The following HERC2 variants were observed in gnomAD, a reference collection of about 807,000 sequenced individuals.
HERC2 encodes HECT and RLD domain containing E3 ubiquitin protein ligase 2.
HERC2 carries 102 observed loss-of-function variants against 537.7 expected under a neutral mutation model. That is an observed-to-expected ratio of 0.19 (90% CI 0.16 to 0.22). The LOEUF is 0.22. HERC2 is among the 10% of genes least tolerant of loss of function. The probability of loss-of-function intolerance (pLI) is 1.00; values close to 1 mark genes in which losing one functional copy is unlikely to be tolerated. For synonymous variants in HERC2, 2,224 were observed against 2,466.2 expected (o/e 0.90, Z 2.91); for missense variants, 4,236 against 6,198.2 (o/e 0.68, Z 10.63).
Position 28,132,660 on chromosome 15 carries a change from G to A in HERC2, c.12401C>T (p.Pro4134Leu), listed in dbSNP as rs1211814927. Residue 4134 changes from proline (P) to leucine (L), a missense_variant, in exon 80 of 93, where the codon CCG becomes CTG. Transcript: ENST00000261609. ...CACACGGCGCCTCCTCACCAGCTTC[G>A]GCTTCAGCTGGTCCTCACTGTCGCT... ...GHSDSEDQLK[P>L]KLVEALQGHR... 1.3e-6 allele frequency: 2 copies of A among 1,527,866 alleles called. No homozygotes were observed. Among genetic ancestry groups the A allele is most frequent in the Non-Finnish European group, 1.8e-6 (2 of 1,134,770 alleles). The allele number at this position is 1,527,866 out of a possible 1,614,324, so 94.6% of individuals were successfully genotyped here.
chr15:28,240,698 A>G (rs1903013636), intron 23 of HERC2, among the ~76,000 whole-genome samples: 2 of 152,214 alleles, frequency 1.3e-5, no homozygotes, highest in South Asian at 4.1e-4. Flanking sequence ...ACAGACAAAC[A>G]TACAGAAAAA....
In HERC2 at chr15:28,179,995, C is replaced by T. The variant is rs771858879; in HGVS notation, c.8938-772G>A. ...AAGAAAAATATTTTGCATAGAGTCA[C>T]CTAAGCATATAGTGTTTCTAAAGTC... On this transcript the variant is annotated intron_variant, in intron 57 of 92. Transcript: ENST00000261609. 7.9e-5 allele frequency among the ~76,000 whole-genome samples: 12 copies of T among 152,198 alleles called. No homozygotes were observed. In the East Asian group the frequency reaches 1.9e-3, roughly 25 times the overall value.
In HERC2 at chr15:28,117,050, G is replaced by A. The variant is rs748097233; in HGVS notation, c.13377C>T (p.Leu4459=). Residue 4459 remains leucine (L), a synonymous_variant, in exon 87 of 93, where the codon CTC becomes CTT. Transcript: ENST00000261609. ...AKMSSFGPDS[L]LLPHRVWKVK... is the part of the protein sequence containing the mutation. Reference sequence around the variant, plus strand: ...CTTTCCAGACACGGTGAGGAAGGAGGAGGCTGTCGGGACCAAACGAGCTCA... The same window carrying A: ...CTTTCCAGACACGGTGAGGAAGGAGAAGGCTGTCGGGACCAAACGAGCTCA... 1.1e-5 allele frequency: 17 copies of A among 1,614,082 alleles called. No individual in the cohort carries two copies. Among genetic ancestry groups the A allele is most frequent in the Non-Finnish European group, 1.1e-5 (13 of 1,180,048 alleles).
chr15:28,228,398 C>A lies in HERC2; in HGVS notation c.5284G>T (p.Val1762Phe). Residue 1762 changes from valine to phenylalanine, a missense_variant, in exon 35 of 93, where the codon GTT (valine) becomes TTT (phenylalanine). Around this residue, in one of 27 missense-constraint regions of HERC2, gnomAD observed 343 missense variants for 417.2 expected, o/e 0.82. Transcript: ENST00000261609. ...AKFKELGIQPVPLQTITNENP... is the reference protein window; with the variant it reads ...AKFKELGIQPFPLQTITNENP... ...TCATTGGTGATGGTTTGCAGGGGAACCGGCTGGATACCTAATGAGCATTGG... is the reference window on the plus strand; with the variant it reads ...TCATTGGTGATGGTTTGCAGGGGAAACGGCTGGATACCTAATGAGCATTGG... 1.2e-6 allele frequency: 2 copies of A among 1,611,988 alleles called. No individual in the cohort carries two copies. The highest frequency in any genetic ancestry group is 1.1e-5 in the South Asian group (1 of 90,992).
intron 64 of HERC2, among the ~76,000 whole-genome samples, 161 bp downstream of exon 64, chr15:28,175,351 G>C (rs1175674063): frequency 6.6e-6 from 1 of 152,058 alleles, no homozygotes; most frequent in Non-Finnish European, 1.5e-5. Flanking sequence ...AGATACACCA[G>C]TGGGCAAAAG....
At chr15:28,182,534 A>G in intron 56 of HERC2, 22 bp from the exon 57 acceptor site, 1 of 1,536,166 alleles carries the variant, frequency 6.5e-7, no homozygotes, top group East Asian at 2.2e-5. Flanking sequence ...GAAAAAAAAA[A>G]GAAAAAGAAA....
At chr15:28,117,848 C>A (rs541541485) in intron 86 of HERC2, 4 of 327,812 alleles carry the variant, frequency 1.2e-5, no homozygotes, top group Non-Finnish European at 2.4e-5. Context: ...AGGGCCCCGC[C>A]GCAGCAGGAC....
intron 23 of HERC2, among the ~76,000 whole-genome samples, chr15:28,240,201 A>G (rs542862489): frequency 1.4e-3 from 210 of 152,162 alleles, no homozygotes; most frequent in Middle Eastern, 3.4e-3. Flanking sequence ...GGCAGATCAC[A>G]AGGTCAGGAG....
intron 36 of HERC2, among the ~76,000 whole-genome samples, chr15:28,221,354 G>T (rs935103898): frequency 6.8e-6 from 1 of 146,166 alleles, no homozygotes; most frequent in African/African-American, 2.5e-5. Context: ...GGCCCCAGGG[G>T]GAAGCTCTGT....
rs373882716 is a variant in HERC2 at position 28,233,843 on chromosome 15, C to T, written c.4219-47G>A. ...GTAACTTCAGAGCCACCCAGTGAGT[C>T]TTCACAAATCTTAAACATGCCACAG... On this transcript the variant is annotated intron_variant, in intron 27 of 92. Transcript: ENST00000261609. The T allele has an allele frequency of 2.6e-4, 418 of 1,600,670 alleles. 1 individual carries two copies. Among genetic ancestry groups the T allele is most frequent in the Non-Finnish European group, 3.3e-4 (391 of 1,170,612 alleles).
chr15:28,224,166 C>CACACACACACACACACAG (rs748053596), intron 35 of HERC2, among the ~76,000 whole-genome samples: 1 of 147,656 alleles, frequency 6.8e-6, no homozygotes, highest in African/African-American at 2.6e-5. Flanking sequence ...CACACACACA[C>CACACACACACACACACAG]AGAGAGAGAG....
chr15:28,184,785 C>T lies in HERC2; in HGVS notation c.8825+1792G>A, dbSNP rs552533042. 7.9e-5 allele frequency among the ~76,000 whole-genome samples: 12 copies of T among 151,546 alleles called. No homozygotes were observed. In the South Asian group the frequency reaches 2.5e-3, roughly 32 times the overall value. ...GCTGAGGCAGGAGAATGGCGTGAAC[C>T]CAGGAAGCGGAGCTTGCAGTGAGCC... On this transcript the variant is annotated intron_variant, in intron 56 of 92. Transcript: ENST00000261609.
At chr15:28,203,507 C>T (rs1206843901) in intron 45 of HERC2, 1 of 152,056 alleles carries the variant, frequency 6.6e-6, no homozygotes, top group African/African-American at 2.4e-5. Context: ...ACTGGACTAA[C>T]CTTTGGCTGA....
intron 30 of HERC2, among the ~76,000 whole-genome samples, chr15:28,231,838 C>CAA (rs61645210): frequency 2.4e-5 from 3 of 126,454 alleles, no homozygotes; most frequent in Non-Finnish European, 5.4e-5. Flanking sequence ...ACTTAATTTC[C>CAA]AAAAAAAAAA....
In HERC2 at chr15:28,124,037, C is replaced by T. The variant is rs754463224; in HGVS notation, c.13188G>A (p.Lys4396=). The T allele has an allele frequency of 1.3e-6, 2 of 1,578,286 alleles. No individual in the cohort carries two copies. The highest frequency in any genetic ancestry group is 2.7e-5 in the African/African-American group (2 of 73,658). The change falls in exon 85 of 93, where the codon AAG becomes AAA. Residue 4396 remains lysine, a splice_region_variant and synonymous_variant. Coordinates refer to ENST00000261609, the MANE Select transcript of HERC2 (RefSeq NM_004667.6). ...TLRGILISQG[K]EAAFRKVVQA... ...AGAGCAAAGATTGCCACTTGAATAC[C>T]TTTCCCTGGGATATCAGAATTCCTC... is the stretch of plus-strand genomic sequence containing the variant.
chr15:28,293,396 G>C (rs1176095574), intron 3 of HERC2, among the ~76,000 whole-genome samples: 1 of 151,144 alleles, frequency 6.6e-6, no homozygotes, highest in Non-Finnish European at 1.5e-5. Flanking sequence ...AGGAGGCTGA[G>C]GCAGGAGAAT....
chr15:28,223,336 G>A (rs1161035669), intron 35 of HERC2, among the ~76,000 whole-genome samples: 3 of 152,114 alleles, frequency 2.0e-5, no homozygotes, highest in African/African-American at 7.2e-5. Flanking sequence ...CCAGGTGGGC[G>A]GGAAAAAGAC....
At chr15:28,291,200 T>C (rs2076301347) in intron 4 of HERC2, among the ~76,000 whole-genome samples, 1 of 152,180 alleles carries the variant, frequency 6.6e-6, no homozygotes, top group South Asian at 2.1e-4. Context: ...TATAATAACC[T>C]ACGAGGTAGG....
chr15:28,143,901 C>G lies in HERC2; in HGVS notation c.11390G>C (p.Gly3797Ala). Reference protein sequence around the residue: ...GQSININRLLGENDGETRALS... With the variant: ...GQSININRLLAENDGETRALS... The stretch of plus-strand genomic sequence containing the variant: ...AGCTCTTGTTTCCCCATCATTTTCT[C>G]CAAGCAGCCTATTTATGTTAATTGA... The change falls in exon 74 of 93, where the codon GGA (glycine) becomes GCA (alanine). Residue 3797 changes from glycine to alanine, a missense_variant. Around this residue, in one of 27 missense-constraint regions of HERC2, gnomAD observed 109 missense variants for 133.5 expected, o/e 0.82. Coordinates refer to ENST00000261609, the MANE Select transcript of HERC2 (RefSeq NM_004667.6). 1 of 1,614,108 alleles carries G rather than the reference C, an allele frequency of 6.2e-7. No individual in the cohort carries two copies. Among genetic ancestry groups the G allele is most frequent in the Non-Finnish European group, 8.5e-7 (1 of 1,180,020 alleles).
Sources: allele counts gnomAD v4.1 joint callset (sites outside exome capture counted in the v4.1 genomes callset), GRCh38; gene constraint gnomAD v4.1.1; regional missense constraint gnomAD v4.1.1; transcripts MANE v1.5; gene names NCBI Gene and HGNC (gene_info 2026-07-23, HGNC 2026-07-21).